The following PXT1 variants were observed in gnomAD, a reference collection of about 807,000 sequenced individuals.
PXT1 encodes peroxisomal testis enriched protein 1.
In PXT1, 11 loss-of-function variants were observed where a neutral mutation model predicts 11.0. The observed-to-expected ratio is 1.00, with a 90% CI of 0.63 to 1.66. The LOEUF (loss-of-function observed/expected upper bound fraction) is 1.66, where lower values mean the gene tolerates loss of function less well. PXT1 is among the 40% of genes most tolerant of loss of function. The pLI, the probability that PXT1 is intolerant of heterozygous loss-of-function variation, is 0.00. For missense variants in PXT1, 141 were observed against 155.5 expected, an observed-to-expected ratio of 0.91 and a Z score of 0.49; for synonymous variants, 43 against 51.4, an observed-to-expected ratio of 0.84 and a Z score of 0.70.
rs78639719 is a variant in PXT1 at position 36,442,516 on chromosome 6, C to A, written c.-130+19G>T. ...CGGTTGATTTAAAATTTGTAATACA[C>A]CTTTGTAATAGCAGGTACCTTCATG... On this transcript the variant is annotated intron_variant, in intron 1 of 4. Coordinates refer to ENST00000454782, the MANE Select transcript of PXT1 (RefSeq NM_152990.4). The A allele has an allele frequency of 6.6e-6, 1 of 152,108 alleles. No homozygotes were observed. Among genetic ancestry groups the A allele is most frequent in the Non-Finnish European group, 1.5e-5 (1 of 68,030 alleles). The allele number at this position is 152,108 out of a possible 1,614,324, so 9.4% of individuals were successfully genotyped here. A position where few individuals can be genotyped will look rare whatever the true frequency, so the allele number is the denominator to read the frequency against.
intron 2 of PXT1, among the ~76,000 whole-genome samples, chr6:36,428,475 GCGAGTTTCTTA>G (rs1774640668): frequency 6.6e-6 from 1 of 151,506 alleles, no homozygotes; most frequent in Admixed American, 6.6e-5. Flanking sequence ...TAGCTACCAG[GCGAGTTTCTTA>G]CCTGAAAGAG....
intron 3 of PXT1, among the ~76,000 whole-genome samples, chr6:36,411,630 C>T (rs1023576135): frequency 6.6e-6 from 1 of 152,040 alleles, no homozygotes; most frequent in Non-Finnish European, 1.5e-5. Context: ...ACTAGCTATC[C>T]AGTGTATCTT....
chr6:36,423,711 G>A (rs1774560049), intron 3 of PXT1, among the ~76,000 whole-genome samples: 1 of 152,180 alleles, frequency 6.6e-6, no homozygotes, highest in East Asian at 1.9e-4. Context: ...AGATGAAGGG[G>A]AGAAACGCGC....
chr6:36,413,368 G>A (rs1017842193), intron 3 of PXT1, among the ~76,000 whole-genome samples: 3 of 151,818 alleles, frequency 2.0e-5, no homozygotes, highest in African/African-American at 7.3e-5. Context: ...AGTGAGCAGA[G>A]ATGTCTCCAC....
chr6:36,437,564 A>G (rs1050025472), intron 2 of PXT1, among the ~76,000 whole-genome samples: 1 of 141,264 alleles, frequency 7.1e-6, no homozygotes, highest in Non-Finnish European at 1.5e-5. Context: ...CCCAGGCTGG[A>G]GTGCAATGGC....
At chr6:36,433,131 A>T (rs905275833) in intron 2 of PXT1, among the ~76,000 whole-genome samples, 14 of 152,168 alleles carry the variant, frequency 9.2e-5, no homozygotes, top group Non-Finnish European at 1.6e-4. Context: ...CATAAAAAAA[A>T]TTCTAAACCT....
Position 36,426,062 on chromosome 6 carries a change from G to T in PXT1, c.21C>A (p.Gly7=). MKKKHD[G]IVYETKEVLN... ...GAACTTCTTTAGTTTCATAAACAATGCCATCATGTTTTTTCTTCATGTTTT... is the reference window on the plus strand; with the variant it reads ...GAACTTCTTTAGTTTCATAAACAATTCCATCATGTTTTTTCTTCATGTTTT... The change falls in exon 3 of 5, where the codon GGC becomes GGA. Residue 7 remains glycine, a synonymous_variant. Coordinates refer to ENST00000454782, the MANE Select transcript of PXT1 (RefSeq NM_152990.4). 6.6e-7 allele frequency: 1 copy of T among 1,510,874 alleles called. No homozygotes were observed. Among genetic ancestry groups the T allele is most frequent in the Non-Finnish European group, 8.8e-7 (1 of 1,135,308 alleles). 93.6% of individuals were successfully genotyped at this position (1,510,874 alleles called of 1,614,324 possible). A position where few individuals can be genotyped will look rare whatever the true frequency, so the allele number is the denominator to read the frequency against.
intron 2 of PXT1, among the ~76,000 whole-genome samples, chr6:36,430,538 AATCT>A (rs1208007870): frequency 1.3e-5 from 2 of 152,170 alleles, no homozygotes; most frequent in African/African-American, 4.8e-5. Flanking sequence ...ACATGAGAAG[AATCT>A]ATCTATAACC....
intron 2 of PXT1, among the ~76,000 whole-genome samples, chr6:36,432,572 G>C (rs1056797857): frequency 6.6e-6 from 1 of 152,174 alleles, no homozygotes; most frequent in East Asian, 1.9e-4. Flanking sequence ...ACGTCTCCCT[G>C]AGGAGCCCTG....
chr6:36,393,725 CA>C (rs33980831), intron 4 of PXT1, among the ~76,000 whole-genome samples: 160 of 142,434 alleles, frequency 1.1e-3, no homozygotes, highest in Middle Eastern at 7.2e-3. Context: ...GACTATGCCT[CA>C]AAAAAAAAAA....
chr6:36,432,887 CATAG>C (rs1384123048), intron 2 of PXT1, among the ~76,000 whole-genome samples: 1 of 150,974 alleles, frequency 6.6e-6, no homozygotes, highest in Non-Finnish European at 1.5e-5. Context: ...TCTTCTCCTG[CATAG>C]ATGTAGAACT....
intron 4 of PXT1, among the ~76,000 whole-genome samples, chr6:36,395,906 C>T (rs1029868363): frequency 2.6e-5 from 4 of 151,682 alleles, no homozygotes; most frequent in African/African-American, 7.3e-5. Context: ...TGGAGGCCTA[C>T]GTGGGAGGAT....
intron 1 of PXT1, among the ~76,000 whole-genome samples, chr6:36,440,429 G>T (rs192987428): frequency 2.6e-3 from 402 of 152,104 alleles, no homozygotes; most frequent in African/African-American, 9.1e-3. Flanking sequence ...AATTAGCCGG[G>T]CACAGTGGCG....
intron 3 of PXT1, 103 bp downstream of exon 3, chr6:36,425,810 AT>A: frequency 1.4e-5 from 2 of 147,110 alleles, no homozygotes; most frequent in Non-Finnish European, 2.0e-5. Context: ...CAAAAAATAT[AT>A]ATATATATAT....
chr6:36,424,950 C>CTA (rs1427479904), intron 3 of PXT1, among the ~76,000 whole-genome samples: 1 of 152,142 alleles, frequency 6.6e-6, no homozygotes, highest in African/African-American at 2.4e-5. Flanking sequence ...TGGCAAGCAA[C>CTA]TATCAGGATG....
At chr6:36,409,868 GAAAAGAAAA>G (rs1162453729) in intron 3 of PXT1, among the ~76,000 whole-genome samples, 8 of 70,988 alleles carry the variant, frequency 1.1e-4, no homozygotes, top group East Asian at 4.5e-4. Flanking sequence ...GAAGGAGAAA[GAAAAGAAAA>G]GAAGGAAGGA....
At chr6:36,434,876 A>G (rs1052041470) in intron 2 of PXT1, among the ~76,000 whole-genome samples, 1 of 152,252 alleles carries the variant, frequency 6.6e-6, no homozygotes, top group Non-Finnish European at 1.5e-5. Flanking sequence ...TTTAACTAAA[A>G]CAATAAAATG....
chr6:36,436,678 T>G (rs1774767890), intron 2 of PXT1, among the ~76,000 whole-genome samples: 1 of 152,164 alleles, frequency 6.6e-6, no homozygotes, highest in African/African-American at 2.4e-5. Context: ...AGATGTTAAG[T>G]GGGCATTTGC....
chr6:36,435,063 T>G (rs1774742485), intron 2 of PXT1, among the ~76,000 whole-genome samples: 1 of 151,422 alleles, frequency 6.6e-6, no homozygotes, highest in African/African-American at 2.4e-5. Context: ...TATCTAGAAG[T>G]TACAATATCT....
Sources: allele counts gnomAD v4.1 joint callset (sites outside exome capture counted in the v4.1 genomes callset), GRCh38; gene constraint gnomAD v4.1.1; transcripts MANE v1.5; gene names NCBI Gene and HGNC (gene_info 2026-07-23, HGNC 2026-07-21).